ARHGAP26: variants seen among roughly 807,000 people sequenced by gnomAD.
ARHGAP26 encodes the protein rho GTPase-activating protein 26.
In ARHGAP26, 38 loss-of-function variants were observed where a neutral mutation model predicts 104.8. That is an observed-to-expected ratio of 0.36 (90% CI 0.28 to 0.48). The LOEUF is 0.48. Among genes scored for constraint, ARHGAP26 ranks in the 20% least tolerant of loss-of-function variants. The probability of loss-of-function intolerance (pLI) is 0.99; values close to 1 mark genes in which losing one functional copy is unlikely to be tolerated. For synonymous variants in ARHGAP26, 341 were observed against 340.0 expected, an observed-to-expected ratio of 1.00 and a Z score of -0.03; for missense variants, 704 against 947.9, an observed-to-expected ratio of 0.74 and a Z score of 3.38.
intron 18 of ARHGAP26, among the ~76,000 whole-genome samples, chr5:143,125,924 G>T (rs1796675521): frequency 1.3e-5 from 2 of 152,182 alleles, no homozygotes; most frequent in South Asian, 4.1e-4. Context: ...AACAGGGGTT[G>T]AACTTAGTAC....
intron 12 of ARHGAP26, among the ~76,000 whole-genome samples, chr5:143,027,712 A>T (rs563104077): frequency 1.3e-5 from 2 of 152,348 alleles, no homozygotes; most frequent in East Asian, 3.9e-4. Flanking sequence ...AGCATTCCAT[A>T]TTAAGATGCA....
At chr5:143,209,624 T>C (rs1205092494) in intron 21 of ARHGAP26, among the ~76,000 whole-genome samples, 1 of 151,926 alleles carries the variant, frequency 6.6e-6, no homozygotes, top group Non-Finnish European at 1.5e-5. Flanking sequence ...CTACTAAAAA[T>C]ACAAAAATTA....
intron 1 of ARHGAP26, among the ~76,000 whole-genome samples, chr5:142,790,727 C>T (rs1476922081): frequency 6.6e-6 from 1 of 152,176 alleles, no homozygotes. Context: ...ACTTTCCCGC[C>T]ACCTTCTCTT....
chr5:142,777,810 T>C (rs1308206107), intron 1 of ARHGAP26, among the ~76,000 whole-genome samples: 1 of 152,106 alleles, frequency 6.6e-6, no homozygotes, highest in African/African-American at 2.4e-5. Flanking sequence ...TGAAGGCGAA[T>C]GCACAAAGAG....
At chr5:142,788,115 C>T (rs1051438364) in intron 1 of ARHGAP26, among the ~76,000 whole-genome samples, 3 of 151,646 alleles carry the variant, frequency 2.0e-5, no homozygotes, top group African/African-American at 7.3e-5. Flanking sequence ...ATTCTCGTGC[C>T]TCAGCCTCCC....
chr5:143,213,280 G>A (rs1191256677), intron 21 of ARHGAP26, among the ~76,000 whole-genome samples: 2 of 152,128 alleles, frequency 1.3e-5, no homozygotes, highest in Admixed American at 6.5e-5. Context: ...CAACGGACAT[G>A]AGAAAAGCAA....
At chr5:142,976,544 C>T (rs1773120490) in intron 11 of ARHGAP26, among the ~76,000 whole-genome samples, 2 of 152,184 alleles carry the variant, frequency 1.3e-5, no homozygotes, top group Non-Finnish European at 2.9e-5. Flanking sequence ...AACATCCATA[C>T]ATAATAGATG....
At chr5:143,069,798 A>G (rs1437974671) in intron 17 of ARHGAP26, among the ~76,000 whole-genome samples, 1 of 152,226 alleles carries the variant, frequency 6.6e-6, no homozygotes, top group Non-Finnish European at 1.5e-5. Context: ...GTGCCTCAAT[A>G]GCCCTATTAT....
chr5:142,914,324 C>A (rs1403310239), intron 10 of ARHGAP26, among the ~76,000 whole-genome samples: 1 of 152,256 alleles, frequency 6.6e-6, no homozygotes. Context: ...AAACTAACTG[C>A]ATCTCTTAAG....
chr5:143,163,503 T>G (rs1033782753), intron 20 of ARHGAP26, among the ~76,000 whole-genome samples: 8 of 150,104 alleles, frequency 5.3e-5, no homozygotes, highest in African/African-American at 1.9e-4. Flanking sequence ...CAGGCTCGAG[T>G]GCAATGGTGC....
At chr5:142,996,787 G>A (rs1360551246) in intron 11 of ARHGAP26, among the ~76,000 whole-genome samples, 1 of 152,168 alleles carries the variant, frequency 6.6e-6, no homozygotes, top group Non-Finnish European at 1.5e-5. Flanking sequence ...CAGATTTAGA[G>A]GTGGGGCACC....
intron 11 of ARHGAP26, among the ~76,000 whole-genome samples, chr5:142,951,904 A>G (rs1314615441): frequency 1.3e-5 from 2 of 152,222 alleles, no homozygotes; most frequent in Non-Finnish European, 2.9e-5. Flanking sequence ...TTCTCTCAGT[A>G]TTGGAGGCCA....
intron 1 of ARHGAP26, among the ~76,000 whole-genome samples, chr5:142,836,315 T>G (rs1769553421): frequency 6.6e-6 from 1 of 152,310 alleles, no homozygotes; most frequent in Middle Eastern, 3.4e-3. Flanking sequence ...CCTGACAGCT[T>G]TTTTCCCCGG....
intron 12 of ARHGAP26, among the ~76,000 whole-genome samples, chr5:143,029,284 G>T (rs1453052399): frequency 6.6e-6 from 1 of 151,286 alleles, no homozygotes; most frequent in East Asian, 1.9e-4. Flanking sequence ...TTGGAAAATT[G>T]CATAAATTTC....
chr5:142,847,476 G>A (rs1414367410), intron 1 of ARHGAP26, among the ~76,000 whole-genome samples: 1 of 152,080 alleles, frequency 6.6e-6, no homozygotes, highest in African/African-American at 2.4e-5. Flanking sequence ...TCCTGCTTCA[G>A]CCTCCGGAGT....
chr5:142,795,928 A>G (rs1175160107), intron 1 of ARHGAP26, among the ~76,000 whole-genome samples: 1 of 152,088 alleles, frequency 6.6e-6, no homozygotes, highest in Non-Finnish European at 1.5e-5. Context: ...GACTTTCTCA[A>G]ATGTCATCTC....
At chr5:142,780,925 G>A (rs1035313744) in intron 1 of ARHGAP26, among the ~76,000 whole-genome samples, 13 of 152,220 alleles carry the variant, frequency 8.5e-5, no homozygotes, top group African/African-American at 2.9e-4. Flanking sequence ...GCAGAGCTTA[G>A]CACTTTTCCC....
intron 1 of ARHGAP26, among the ~76,000 whole-genome samples, chr5:142,776,961 G>C (rs973533112): frequency 2.0e-5 from 3 of 152,188 alleles, no homozygotes; most frequent in African/African-American, 4.8e-5. Flanking sequence ...AGCCACTCTA[G>C]TGGGTGTGAA....
chr5:143,080,893 A>G (rs1246850188), intron 17 of ARHGAP26, among the ~76,000 whole-genome samples: 1 of 152,038 alleles, frequency 6.6e-6, no homozygotes, highest in African/African-American at 2.4e-5. Flanking sequence ...CAGATGAAAG[A>G]CACTGGGGCC....
Sources: allele counts gnomAD v4.1 joint callset (sites outside exome capture counted in the v4.1 genomes callset), GRCh38; gene constraint gnomAD v4.1.1; transcripts MANE v1.5; gene names NCBI Gene and HGNC (gene_info 2026-07-23, HGNC 2026-07-21).